CDH23: variants seen among roughly 807,000 people sequenced by gnomAD.
CDH23 encodes the protein cadherin related 23, also known as cadherin-23.
A neutral mutation model predicts 317.1 loss-of-function variants in CDH23; 189 were observed. The ratio of observed to expected loss-of-function variants is 0.60; its 90% CI spans 0.53 to 0.67. The LOEUF is 0.67. Among genes scored for constraint, CDH23 ranks in the 30% least tolerant of loss-of-function variants. CDH23 has a pLI of 0.00. For synonymous variants in CDH23, 1,839 were observed against 1,876.8 expected (o/e 0.98, Z 0.52); for missense variants, 4,401 against 4,592.4 (o/e 0.96, Z 1.20).
intron 8 of CDH23, among the ~76,000 whole-genome samples, chr10:71,572,964 G>T (rs1233241048): frequency 6.6e-6 from 1 of 152,200 alleles, no homozygotes; most frequent in Non-Finnish European, 1.5e-5. Flanking sequence ...CATGGCAGTG[G>T]CTGGGCAGCC....
chr10:71,469,732 A>T (rs1410528763), intron 3 of CDH23, among the ~76,000 whole-genome samples: 2 of 152,108 alleles, frequency 1.3e-5, no homozygotes, highest in Admixed American at 1.3e-4. Context: ...CAGCCTCCCA[A>T]GTAACTTGGA....
At chr10:71,619,374 A>C (rs1861355590) in intron 11 of CDH23, among the ~76,000 whole-genome samples, 1 of 152,160 alleles carries the variant, frequency 6.6e-6, no homozygotes, top group Admixed American at 6.5e-5. Flanking sequence ...GTAGTTTTAA[A>C]AGGTGGAAAA....
intron 44 of CDH23, among the ~76,000 whole-genome samples, chr10:71,787,185 C>T (rs9416005): frequency 0.51 from 77,540 of 151,942 alleles, 20,188 homozygotes; most frequent in Middle Eastern, 0.7. Context: ...TTTGCCACAC[C>T]TCCGTGAAGG....
In CDH23 at chr10:71,751,658, A is replaced by C. The variant is rs540037467; in HGVS notation, c.4845+9737A>C. 8 of 1,521,362 alleles carry C rather than the reference A, an allele frequency of 5.3e-6. No homozygotes were observed. In the East Asian group the frequency reaches 1.6e-4, roughly 30 times the overall value. 94.2% of individuals were successfully genotyped at this position (1,521,362 alleles called of 1,614,324 possible). A position where few individuals can be genotyped will look rare whatever the true frequency, so the allele number is the denominator to read the frequency against. On this transcript the variant is annotated intron_variant, in intron 38 of 69. Transcript: ENST00000224721. This position sits in a 1 kb window ranked among gnomAD's most constrained non-coding sequence, Gnocchi z 4.9. Reference sequence around the variant, plus strand: ...AGGTCATCGTGCTGTGAAGGTCAGGAAACACTTACCCAGGGATGGGAAGAA... The same window carrying C: ...AGGTCATCGTGCTGTGAAGGTCAGGCAACACTTACCCAGGGATGGGAAGAA...
At chr10:71,600,855 A>G (rs1369012116) in intron 9 of CDH23, among the ~76,000 whole-genome samples, 1 of 152,072 alleles carries the variant, frequency 6.6e-6, no homozygotes, top group Non-Finnish European at 1.5e-5. Flanking sequence ...CCTATACCCC[A>G]TGGTATCAGA....
chr10:71,501,595 C>T (rs997541217), intron 3 of CDH23, among the ~76,000 whole-genome samples: 4 of 152,164 alleles, frequency 2.6e-5, no homozygotes, highest in African/African-American at 9.7e-5. Flanking sequence ...AAAGAGCTCC[C>T]CTGAGGTCAA....
chr10:71,719,156 T>C (rs1023408597), intron 28 of CDH23, among the ~76,000 whole-genome samples: 1 of 152,146 alleles, frequency 6.6e-6, no homozygotes, highest in Admixed American at 6.5e-5. Flanking sequence ...GAGAGATTCC[T>C]AAGTGCTTGA....
At position 71,712,693 on chromosome 10, in the gene CDH23, G is replaced by A. The variant is rs79805606; in HGVS notation, c.3249G>A (p.Thr1083=). 1.2e-3 allele frequency: 1,965 copies of A among 1,613,646 alleles called. 28 individuals carry two copies. The African/African-American group carries it at 0.023, about 19-fold the overall frequency. Residue 1083 remains threonine, a synonymous_variant, in exon 28 of 70, where the codon ACG becomes ACA. Coordinates refer to ENST00000224721, the MANE Select transcript of CDH23 (RefSeq NM_022124.6). ...ACGGCCCTGTAGGGAAGCGACACAC[G>A]GGCACAGCCACCGTGTTCGTCACTG... is the stretch of plus-strand genomic sequence containing the variant. ...IDNGPVGKRH[T]GTATVFVTVL...
intron 3 of CDH23, among the ~76,000 whole-genome samples, chr10:71,485,788 G>C (rs1288816699): frequency 6.6e-6 from 1 of 152,230 alleles, no homozygotes; most frequent in Non-Finnish European, 1.5e-5. Context: ...CCTTACTCCA[G>C]ATGGGTGTCA....
chr10:71,695,854 C>G (rs1281798968), intron 22 of CDH23, among the ~76,000 whole-genome samples: 1 of 152,190 alleles, frequency 6.6e-6, no homozygotes, highest in East Asian at 1.9e-4. Flanking sequence ...TCTGGCCACC[C>G]CCTCTGGAGA....
At chr10:71,501,869 G>A (rs1853353621) in intron 3 of CDH23, among the ~76,000 whole-genome samples, 1 of 152,296 alleles carries the variant, frequency 6.6e-6, no homozygotes, top group Admixed American at 6.5e-5. Flanking sequence ...CTTCTTGCAG[G>A]TGGGGGTGTG....
At chr10:71,594,339 T>TTCTC (rs1004455575) in intron 9 of CDH23, among the ~76,000 whole-genome samples, 9 of 151,156 alleles carry the variant, frequency 6.0e-5, no homozygotes, top group Admixed American at 3.3e-4. Flanking sequence ...GTTTCTTTCT[T>TTCTC]TCTCTCTCTC....
At chr10:71,505,479 G>A (rs1295115829) in intron 3 of CDH23, among the ~76,000 whole-genome samples, 2 of 151,948 alleles carry the variant, frequency 1.3e-5, no homozygotes, top group Non-Finnish European at 2.9e-5. Context: ...ACAGTAACTC[G>A]GCGAGCTCCG....
chr10:71,768,034 G>A (rs1028126622), intron 38 of CDH23, among the ~76,000 whole-genome samples: 3 of 152,174 alleles, frequency 2.0e-5, no homozygotes, highest in South Asian at 2.1e-4. Flanking sequence ...TCAGGCTCCC[G>A]GCTCCAGCCA....
rs148637460 is a variant in CDH23, at chr10:71,538,550, AT to A, written c.429+27347del. On this transcript the variant is annotated intron_variant, in intron 6 of 69. Transcript: ENST00000224721. ...CCTGCTTCCCTGTCATGTCCAACAT[AT>A]TTTTTTTTCTGTTTCTCCGATTAAT... 9.4e-4 allele frequency among the ~76,000 whole-genome samples: 142 copies of A among 151,714 alleles called. 2 individuals carry two copies. The East Asian group carries it at 0.024, about 25-fold the overall frequency.
At chr10:71,473,110 G>T (rs530887489) in intron 3 of CDH23, among the ~76,000 whole-genome samples, 2 of 152,328 alleles carry the variant, frequency 1.3e-5, no homozygotes, top group Non-Finnish European at 2.9e-5. Context: ...CCAGGCCCCA[G>T]AGCTGGTCAC....
In CDH23 at chr10:71,503,608, C is replaced by T. The variant is rs375228390; in HGVS notation, c.146-6474C>T. ...TAGGCAGGTCAGGCTGAATGTGCTG[C>T]GTGATGGGCAGGGGGTTGGGGTAGG... On this transcript the variant is annotated intron_variant, in intron 3 of 69. Transcript: ENST00000224721. Among the ~76,000 whole-genome samples, 1,119 of 152,148 alleles carry T rather than the reference C, an allele frequency of 7.4e-3. 21 individuals carry two copies. Among genetic ancestry groups the T allele is most frequent in the Middle Eastern group, 0.031 (9 of 294 alleles).
chr10:71,462,271 C>T (rs1257780131), intron 3 of CDH23, among the ~76,000 whole-genome samples: 2 of 152,376 alleles, frequency 1.3e-5, no homozygotes, highest in South Asian at 2.1e-4. Flanking sequence ...CAGCAGTGGA[C>T]ATAATTACTC....
intron 44 of CDH23, among the ~76,000 whole-genome samples, chr10:71,786,882 G>C (rs922408674): frequency 2.6e-5 from 4 of 151,806 alleles, no homozygotes; most frequent in Admixed American, 6.6e-5. Flanking sequence ...AGGGCCCCGG[G>C]TAAAAGCAGC....
Sources: gnomAD v4.1 joint callset for allele counts (sites outside exome capture counted in the v4.1 genomes callset) on GRCh38, gnomAD v4.1.1 for gene constraint, Gnocchi (gnomAD v3.1) non-coding constraint, MANE v1.5 for transcripts, NCBI Gene and HGNC (gene_info 2026-07-23, HGNC 2026-07-21) for gene names.